ANKMY1: variants seen among roughly 807,000 people sequenced by gnomAD.
ANKMY1 encodes the protein ankyrin repeat and MYND domain containing 1.
ANKMY1 carries 98 observed loss-of-function variants against 102.0 expected under a neutral mutation model. The ratio of observed to expected loss-of-function variants is 0.96; its 90% CI spans 0.82 to 1.14. The LOEUF is 1.14. Among genes scored for constraint, ANKMY1 ranks in the 50% most tolerant of loss-of-function variants. The pLI, the probability that ANKMY1 is intolerant of heterozygous loss-of-function variation, is 0.00. For missense variants in ANKMY1, 1,330 were observed against 1,347.6 expected (o/e 0.99, Z 0.20); for synonymous variants, 582 against 559.9 (o/e 1.04, Z -0.56).
At chr2:240,546,468 C>T (rs576575710) in intron 4 of ANKMY1, among the ~76,000 whole-genome samples, 29 of 152,206 alleles carry the variant, frequency 1.9e-4, no homozygotes, top group Non-Finnish European at 3.5e-4. Flanking sequence ...AGCAAAATAA[C>T]CAGCTAACAT....
At chr2:240,483,750 T>C (rs574222054) in intron 15 of ANKMY1, among the ~76,000 whole-genome samples, 12 of 152,330 alleles carry the variant, frequency 7.9e-5, no homozygotes, top group African/African-American at 2.9e-4. Context: ...GTTTGTTACC[T>C]AGGTACACAC....
rs114346659 is a variant in ANKMY1, at chr2:240,511,670, G to A, written c.2286+191C>T. 4.0e-3 allele frequency among the ~76,000 whole-genome samples: 615 copies of A among 152,372 alleles called. 3 individuals are homozygous for A. The highest frequency in any genetic ancestry group is 0.013 in the African/African-American group (540 of 41,594). On this transcript the variant is annotated intron_variant, in intron 11 of 17. Coordinates refer to ENST00000401804, the MANE Select transcript of ANKMY1 (RefSeq NM_001282771.3). ...CGCCACCCAGGCCCCGTGCGCAGGC[G>A]TGCGTGTGTGCATGTGAGTGGGAAA... is the stretch of plus-strand genomic sequence containing the variant.
intron 8 of ANKMY1, chr2:240,522,704 G>C (rs891394977): frequency 3.3e-5 from 5 of 152,230 alleles, no homozygotes; most frequent in African/African-American, 1.2e-4. Context: ...GAACTTGGCC[G>C]TGTGGGAAAA....
chr2:240,495,162 G>A (rs2077086402), intron 15 of ANKMY1, among the ~76,000 whole-genome samples: 2 of 152,170 alleles, frequency 1.3e-5, no homozygotes, highest in African/African-American at 2.4e-5. Context: ...CAGTGTCTGG[G>A]AAGACGCCCG....
At chr2:240,531,097 C>T (rs2085276708) in intron 4 of ANKMY1, among the ~76,000 whole-genome samples, 1 of 152,214 alleles carries the variant, frequency 6.6e-6, no homozygotes, top group African/African-American at 2.4e-5. Context: ...ATAAACACTT[C>T]ACCATAGAAG....
At chr2:240,470,437 C>T in the ANKMY1 span, among the ~76,000 whole-genome samples, 2 of 152,206 alleles carry the variant, frequency 1.3e-5, no homozygotes, top group Non-Finnish European at 2.9e-5. Flanking sequence ...GCAGTCACTG[C>T]CCAGCAAGCT....
chr2:240,543,059 G>A (rs1043657152), intron 4 of ANKMY1, among the ~76,000 whole-genome samples: 1 of 151,894 alleles, frequency 6.6e-6, no homozygotes, highest in Non-Finnish European at 1.5e-5. Flanking sequence ...TGAAATTATA[G>A]GTAAAATAGG....
In ANKMY1 at chr2:240,506,379, A is replaced by T. The variant is rs1265636694; in HGVS notation, c.2526+1181T>A. Among the ~76,000 whole-genome samples the T allele has an allele frequency of 6.6e-6, 1 of 152,170 alleles. No individual in the cohort carries two copies. Among genetic ancestry groups the T allele is most frequent in the Non-Finnish European group, 1.5e-5 (1 of 68,024 alleles). ...GCCCCCAGGTCCAGAAATGGTGCCG[A>T]CTACCCACACACACTGTTTCATTCC... is the stretch of plus-strand genomic sequence containing the variant. On this transcript the variant is annotated intron_variant, in intron 13 of 17. Coordinates refer to ENST00000401804, the MANE Select transcript of ANKMY1 (RefSeq NM_001282771.3). This position sits in a 1 kb window ranked among gnomAD's most constrained non-coding sequence, Gnocchi z 4.9.
intron 15 of ANKMY1, 137 bp from the exon 16 acceptor site, chr2:240,482,398 A>G: frequency 6.9e-6 from 5 of 721,040 alleles, no homozygotes; most frequent in Non-Finnish European, 1.1e-5. Context: ...CAAGCCTTTG[A>G]TGGCTCCATA....
At chr2:240,541,012 C>G (rs918426736) in intron 4 of ANKMY1, among the ~76,000 whole-genome samples, 6 of 152,212 alleles carry the variant, frequency 3.9e-5, no homozygotes, top group Non-Finnish European at 8.8e-5. Context: ...GCCCAAACAG[C>G]AGGATCTGCT....
chr2:240,535,715 T>C (rs906861013), intron 4 of ANKMY1, among the ~76,000 whole-genome samples: 16 of 152,192 alleles, frequency 1.1e-4, no homozygotes, highest in African/African-American at 3.6e-4. Flanking sequence ...TTGTAGGACA[T>C]GACTCCCTAG....
At chr2:240,556,064 G>A (rs1452451078) in intron 2 of ANKMY1, among the ~76,000 whole-genome samples, 1 of 152,136 alleles carries the variant, frequency 6.6e-6, no homozygotes, top group Non-Finnish European at 1.5e-5. Flanking sequence ...CTCCCCACAT[G>A]GTAGTGAGAG....
chr2:240,480,851 G>C (rs1334932314), intron 17 of ANKMY1, 86 bp downstream of exon 17: 2 of 1,477,590 alleles, frequency 1.4e-6, no homozygotes, highest in Middle Eastern at 2.5e-4. Flanking sequence ...TGGGAAATGA[G>C]GGTGCCCCTC....
intron 13 of ANKMY1, among the ~76,000 whole-genome samples, chr2:240,504,019 C>T (rs114976490): frequency 0.011 from 1,710 of 152,324 alleles, 28 homozygotes; most frequent in African/African-American, 0.039. Flanking sequence ...ACCTCGATCG[C>T]GGCCTCCATC....
chr2:240,517,990 C>T (rs181250570), intron 9 of ANKMY1, among the ~76,000 whole-genome samples: 343 of 152,002 alleles, frequency 2.3e-3, no homozygotes, highest in African/African-American at 7.8e-3. Flanking sequence ...CTTGGGAAGC[C>T]GCAGGGACAC....
chr2:240,548,882 A>C (rs1288511701), intron 4 of ANKMY1, among the ~76,000 whole-genome samples: 4 of 152,138 alleles, frequency 2.6e-5, no homozygotes, highest in African/African-American at 9.7e-5. Context: ...AACAAATGGA[A>C]GAACATTCCA....
At chr2:240,558,619 C>A (rs191358716), upstream of ANKMY1, 1 of 152,480 alleles carries the variant, frequency 6.6e-6, no homozygotes, top group Non-Finnish European at 1.5e-5. Context: ...GCTGGGCCTT[C>A]CTGCAAAGAG....
Position 240,479,472 on chromosome 2 carries a change from G to A in ANKMY1, c.*137C>T. 9.6e-7 allele frequency: 1 copy of A among 1,046,160 alleles called. No individual in the cohort carries two copies. The highest frequency in any genetic ancestry group is 1.4e-6 in the Non-Finnish European group (1 of 697,450). 64.8% of individuals were successfully genotyped at this position (1,046,160 alleles called of 1,614,324 possible). On this transcript the variant is annotated 3_prime_UTR_variant, in exon 18 of 18. Transcript: ENST00000401804. ...CAATTTATTGCGAGGTCGCAAGGGAGACACTGCTACAAAGCATGACCCCAA... is the reference window on the plus strand; with the variant it reads ...CAATTTATTGCGAGGTCGCAAGGGAAACACTGCTACAAAGCATGACCCCAA...
At chr2:240,549,145 T>C (rs2091027971) in intron 4 of ANKMY1, among the ~76,000 whole-genome samples, 1 of 151,784 alleles carries the variant, frequency 6.6e-6, no homozygotes, top group Non-Finnish European at 1.5e-5. Context: ...CAAAACAGCA[T>C]GGGACTGGTA....
Sources: allele counts gnomAD v4.1 joint callset (sites outside exome capture counted in the v4.1 genomes callset), GRCh38; gene constraint gnomAD v4.1.1; non-coding constraint Gnocchi (gnomAD v3.1); transcripts MANE v1.5; gene names NCBI Gene and HGNC (gene_info 2026-07-23, HGNC 2026-07-21).